The following CHD1L variants were observed in gnomAD, a reference collection of about 807,000 sequenced individuals.
The protein encoded by CHD1L is ATP-dependent chromatin remodeler CHD1L.
In CHD1L, 118 loss-of-function variants were observed where a neutral mutation model predicts 115.9. That is an observed-to-expected ratio of 1.02 (90% CI 0.88 to 1.19). CHD1L has a LOEUF of 1.19. Ranked by LOEUF, CHD1L falls within the 50% of genes most tolerant of loss-of-function variation. The probability of loss-of-function intolerance (pLI) is 0.00; values close to 1 mark genes in which losing one functional copy is unlikely to be tolerated. For synonymous variants in CHD1L, 411 were observed against 387.1 expected, an observed-to-expected ratio of 1.06 and a Z score of -0.72; for missense variants, 1,179 against 1,065.3, an observed-to-expected ratio of 1.11 and a Z score of -1.49.
At chr1:147,193,436 G>A in the CHD1L span, among the ~76,000 whole-genome samples, 1 of 151,892 alleles carries the variant, frequency 6.6e-6, no homozygotes, top group Non-Finnish European at 1.5e-5. Context: ...TATCAATTTT[G>A]TTGATCCTTT....
At chr1:147,284,176 G>A (rs1300785640) in intron 15 of CHD1L, among the ~76,000 whole-genome samples, 175 bp from the exon 16 acceptor site, 1 of 152,172 alleles carries the variant, frequency 6.6e-6, no homozygotes, top group Non-Finnish European at 1.5e-5. Flanking sequence ...TCCCCATGTA[G>A]AACCCACATT....
chr1:147,255,053 A>T, intron 3 of CHD1L, 77 bp downstream of exon 3: 1 of 1,082,692 alleles, frequency 9.2e-7, no homozygotes, highest in South Asian at 1.8e-5. Context: ...ATAAAATATG[A>T]TAAAACAACC....
chr1:147,289,836 G>A (rs587771349), intron 19 of CHD1L, among the ~76,000 whole-genome samples: 15 of 152,352 alleles, frequency 9.8e-5, no homozygotes, highest in Admixed American at 3.9e-4. Context: ...TTAGGCAGAA[G>A]AATAGAGGAG....
the CHD1L span, among the ~76,000 whole-genome samples, chr1:147,192,938 A>G: frequency 1.3e-5 from 2 of 152,166 alleles, no homozygotes; most frequent in African/African-American, 4.8e-5. Context: ...GGATTTTTGC[A>G]TCAATGTTCA....
the CHD1L span, chr1:147,224,159 C>A: frequency 3.5e-6 from 1 of 287,462 alleles, no homozygotes; most frequent in Non-Finnish European, 6.9e-6. Context: ...CACGACGTTG[C>A]CTTCACACAG....
the CHD1L span, among the ~76,000 whole-genome samples, chr1:147,235,087 C>CTGTGTGTGTGTGTGTG: frequency 8.0e-3 from 1,173 of 146,130 alleles, 13 homozygotes; most frequent in East Asian, 0.025. Flanking sequence ...ATATCCCACA[C>CTGTGTGTGTGTGTGTG]TGTGTGTGTG....
chr1:147,266,187 A>G (rs1478693467), intron 8 of CHD1L, 100 bp downstream of exon 8: 2 of 1,117,464 alleles, frequency 1.8e-6, no homozygotes, highest in Non-Finnish European at 2.5e-6. Flanking sequence ...TCCCAAGAAT[A>G]TGGGATGGAA....
At chr1:147,283,832 A>G (rs1471549248) in intron 15 of CHD1L, among the ~76,000 whole-genome samples, 2 of 152,158 alleles carry the variant, frequency 1.3e-5, no homozygotes, top group African/African-American at 4.8e-5. Context: ...TTTCCCTTTC[A>G]AAAGTAGGAT....
At chr1:147,283,348 A>G (rs1490885427) in intron 15 of CHD1L, among the ~76,000 whole-genome samples, 1 of 152,214 alleles carries the variant, frequency 6.6e-6, no homozygotes, top group Admixed American at 6.5e-5. Flanking sequence ...AAACATACTT[A>G]TAATGGATTT....
At position 147,268,905 on chromosome 1, in the gene CHD1L, T is replaced by G. The variant is rs371033747; in HGVS notation, c.1085+27T>G. 4.5e-6 allele frequency: 7 copies of G among 1,540,482 alleles called. No homozygotes were observed. In the African/African-American group the frequency reaches 9.5e-5, roughly 21 times the overall value. On this transcript the variant is annotated intron_variant, in intron 10 of 22. Coordinates refer to ENST00000369258, the MANE Select transcript of CHD1L (RefSeq NM_004284.6). ...TAGGTGGTAGGTTCACATTTGCTGC[T>G]CTGAGCTAATGACTGTTAAAACCTG...
At chr1:147,235,087 C>CTGTGTGTGTGTGTGTGTGTG in the CHD1L span, among the ~76,000 whole-genome samples, 655 of 146,138 alleles carry the variant, frequency 4.5e-3, no homozygotes, top group Middle Eastern at 0.011. Context: ...ATATCCCACA[C>CTGTGTGTGTGTGTGTGTGTG]TGTGTGTGTG....
chr1:147,291,861 A>G (rs3737853), intron 20 of CHD1L, among the ~76,000 whole-genome samples: 33,176 of 151,920 alleles, frequency 0.22, 4,196 homozygotes, highest in Middle Eastern at 0.28. Flanking sequence ...TTCCTTTCTT[A>G]TAAGGATAGC....
intron 9 of CHD1L, among the ~76,000 whole-genome samples, chr1:147,268,090 C>T (rs1553949897): frequency 6.6e-6 from 1 of 152,212 alleles, no homozygotes; most frequent in African/African-American, 2.4e-5. Flanking sequence ...CGTCCCTCAG[C>T]TTCTGGGATA....
intron 6 of CHD1L, among the ~76,000 whole-genome samples, chr1:147,261,447 A>G (rs1245031055): frequency 3.3e-5 from 5 of 151,598 alleles, no homozygotes; most frequent in Admixed American, 1.3e-4. Context: ...TCACGAGGGA[A>G]AAGTTCTTAT....
the CHD1L span, among the ~76,000 whole-genome samples, chr1:147,199,130 TC>T: frequency 1.8e-3 from 281 of 152,252 alleles, 1 homozygote; most frequent in African/African-American, 6.2e-3. Context: ...TAGAATATTT[TC>T]TTGACAAGAG....
At chr1:147,228,334 T>A in the CHD1L span, among the ~76,000 whole-genome samples, 1 of 152,160 alleles carries the variant, frequency 6.6e-6, no homozygotes, top group Non-Finnish European at 1.5e-5. Context: ...ACAAAGGACA[T>A]GAACTCATCA....
intron 15 of CHD1L, among the ~76,000 whole-genome samples, chr1:147,283,575 A>G (rs1681788598): frequency 6.6e-6 from 1 of 152,206 alleles, no homozygotes; most frequent in Admixed American, 6.5e-5. Context: ...ACTCTTTTAC[A>G]CAGTTGGAAA....
At chr1:147,249,491 C>T (rs587700230) in intron 1 of CHD1L, among the ~76,000 whole-genome samples, 5 of 143,946 alleles carry the variant, frequency 3.5e-5, no homozygotes, top group Admixed American at 2.2e-4. Context: ...CTGCAACCTC[C>T]GCCTCCTGGG....
In CHD1L at chr1:147,294,318, G is replaced by A. The variant is rs587706916; in HGVS notation, c.2507-91G>A. 155 of 764,760 alleles carry A rather than the reference G, an allele frequency of 2.0e-4. 2 individuals carry two copies. In the South Asian group the frequency reaches 3.5e-3, roughly 17 times the overall value. The allele number at this position is 764,760 out of a possible 1,614,324, so 47.4% of individuals were successfully genotyped here. ...CATTATAATTATGGGCTTTGAGGGA[G>A]ATAGTCAATAATAATTTTCTCCCAT... On this transcript the variant is annotated intron_variant, in intron 21 of 22. Coordinates refer to ENST00000369258, the MANE Select transcript of CHD1L (RefSeq NM_004284.6).
Sources: gnomAD v4.1 joint callset for allele counts (sites outside exome capture counted in the v4.1 genomes callset) on GRCh38, gnomAD v4.1.1 for gene constraint, MANE v1.5 for transcripts, NCBI Gene and HGNC (gene_info 2026-07-23, HGNC 2026-07-21) for gene names.